SBF2: variants seen among roughly 807,000 people sequenced by gnomAD.
The protein encoded by SBF2 is myotubularin-related protein 13.
In SBF2, 112 loss-of-function variants were observed where a neutral mutation model predicts 225.2. The observed-to-expected ratio is 0.50, with a 90% confidence interval of 0.43 to 0.58. SBF2 has a LOEUF of 0.58. SBF2 is among the 20% of genes least tolerant of loss of function. SBF2 has a pLI of 0.00. For synonymous variants in SBF2, 763 were observed against 773.3 expected (o/e 0.99, Z 0.22); for missense variants, 1,996 against 2,206.2 (o/e 0.90, Z 1.91).
At chr11:10,297,556 T>C (rs1294033142), upstream of SBF2, among the ~76,000 whole-genome samples, 1 of 152,226 alleles carries the variant, frequency 6.6e-6, no homozygotes, top group Non-Finnish European at 1.5e-5. Flanking sequence ...AATTTTGTAG[T>C]GGTAAGGGGT....
Position 9,850,017 on chromosome 11 carries a change from T to A in SBF2, c.2806+6A>T. The stretch of plus-strand genomic sequence containing the variant: ...ACCCATGTTCTGATGGCATATCGAG[T>A]CATACCTAACTGATCATGGGGTGTT... On this transcript the variant is annotated splice_donor_region_variant and intron_variant, in intron 22 of 39. Transcript: ENST00000256190. 1.2e-6 allele frequency: 2 copies of A among 1,613,022 alleles called. No homozygotes were observed. Among genetic ancestry groups the A allele is most frequent in the Non-Finnish European group, 1.7e-6 (2 of 1,179,146 alleles).
chr11:10,043,132 C>G (rs1032991909), intron 2 of SBF2, 151 bp from the exon 3 acceptor site: 1 of 740,430 alleles, frequency 1.4e-6, no homozygotes, highest in African/African-American at 1.8e-5. Flanking sequence ...AGTTAATGTA[C>G]AGATTCATAA....
chr11:10,063,333 T>A (rs560680435), intron 2 of SBF2, among the ~76,000 whole-genome samples: 34 of 129,356 alleles, frequency 2.6e-4, no homozygotes, highest in Middle Eastern at 3.7e-3. Context: ...AAAAAATATA[T>A]ATATATATAT....
chr11:9,959,217 G>A, intron 16 of SBF2: 1 of 777,872 alleles, frequency 1.3e-6, no homozygotes. Context: ...GGGCAGGCAT[G>A]ACCTCAGCAT....
intron 1 of SBF2, among the ~76,000 whole-genome samples, chr11:10,231,574 T>C (rs1958847296): frequency 6.6e-6 from 1 of 152,208 alleles, no homozygotes; most frequent in Non-Finnish European, 1.5e-5. Flanking sequence ...GGAGGTCCAC[T>C]CCAGACCCTG....
At chr11:10,236,595 G>T (rs1306298448) in intron 1 of SBF2, among the ~76,000 whole-genome samples, 5 of 148,232 alleles carry the variant, frequency 3.4e-5, no homozygotes. Flanking sequence ...GAGTAGCTGG[G>T]ACTACAGGTG....
intron 2 of SBF2, among the ~76,000 whole-genome samples, chr11:10,119,923 A>G (rs1353922805): frequency 1.3e-5 from 2 of 152,180 alleles, no homozygotes; most frequent in African/African-American, 4.8e-5. Context: ...CTTAGAATCA[A>G]TATTTTAAAT....
At chr11:9,996,703 A>T (rs941772533) in intron 9 of SBF2, among the ~76,000 whole-genome samples, 1 of 152,124 alleles carries the variant, frequency 6.6e-6, no homozygotes, top group Non-Finnish European at 1.5e-5. Context: ...TCGCCTTCTT[A>T]AACCCAGTAT....
At chr11:9,933,601 T>C (rs1188429964) in intron 16 of SBF2, among the ~76,000 whole-genome samples, 1 of 152,208 alleles carries the variant, frequency 6.6e-6, no homozygotes, top group East Asian at 1.9e-4. Context: ...AAGATGTTTT[T>C]TGAAACTAAT....
Position 9,993,799 on chromosome 11 carries a change from T to C in SBF2, c.1053+122A>G, listed in dbSNP as rs145969395. The C allele has an allele frequency of 8.6e-4, 848 of 982,460 alleles. 5 individuals carry two copies. The African/African-American group carries it at 0.012, about 14-fold the overall frequency. 60.9% of individuals were successfully genotyped at this position (982,460 alleles called of 1,614,324 possible). ...CAGCGGCAAGTATCCTAATTTCTAA[T>C]TTGGGGCACTTTTTACTCTGCTGTC... On this transcript the variant is annotated intron_variant, in intron 10 of 39. Coordinates refer to ENST00000256190, the MANE Select transcript of SBF2 (RefSeq NM_030962.4).
intron 2 of SBF2, among the ~76,000 whole-genome samples, chr11:10,080,289 A>G (rs1447194788): frequency 2.0e-5 from 3 of 150,920 alleles, no homozygotes; most frequent in African/African-American, 7.3e-5. Flanking sequence ...CAAATTTTAT[A>G]TCCTGCTAGA....
At chr11:10,298,244 A>G (rs1964566058), upstream of SBF2, among the ~76,000 whole-genome samples, 1 of 152,144 alleles carries the variant, frequency 6.6e-6, no homozygotes, top group Non-Finnish European at 1.5e-5. Context: ...CACAAAAATT[A>G]GCTGGGCATG....
rs373138686 is a variant in SBF2 at position 9,992,663 on chromosome 11, T to A, written c.1168-120A>T. On this transcript the variant is annotated intron_variant, in intron 11 of 39. Transcript: ENST00000256190. ...AATCCCTTCATGTATAAATATATGC[T>A]GTCATAAAATATATTTCTCTCAAAG... is the stretch of plus-strand genomic sequence containing the variant. 6.5e-5 allele frequency: 58 copies of A among 892,036 alleles called. No homozygotes were observed. The East Asian group carries it at 1.2e-3, about 19-fold the overall frequency. 55.3% of individuals were successfully genotyped at this position (892,036 alleles called of 1,614,324 possible).
At chr11:10,223,559 G>C (rs1050060783) in intron 1 of SBF2, among the ~76,000 whole-genome samples, 2 of 151,340 alleles carry the variant, frequency 1.3e-5, no homozygotes, top group Non-Finnish European at 3.0e-5. Context: ...TATGTCATCT[G>C]TTTATAAATG....
At chr11:9,883,420 C>G (rs1342987247) in intron 17 of SBF2, among the ~76,000 whole-genome samples, 2 of 152,086 alleles carry the variant, frequency 1.3e-5, no homozygotes, top group Non-Finnish European at 2.9e-5. Flanking sequence ...CTCTGTCCCC[C>G]AAAACAACCA....
In SBF2 at chr11:10,183,582, C is replaced by T. The variant is rs372783231; in HGVS notation, c.141+10320G>A. ...TTAGACTATGATCCATTTCAAGTTA[C>T]TTTTTGTGTATGGTTTAAGGGTCAA... On this transcript the variant is annotated intron_variant, in intron 2 of 39. Transcript: ENST00000256190. Among the ~76,000 whole-genome samples the T allele has an allele frequency of 3.3e-5, 5 of 152,130 alleles. No homozygotes were observed. In the East Asian group the frequency reaches 7.7e-4, roughly 23 times the overall value.
At chr11:9,911,484 A>G (rs746561127) in intron 16 of SBF2, among the ~76,000 whole-genome samples, 3 of 152,212 alleles carry the variant, frequency 2.0e-5, no homozygotes, top group African/African-American at 4.8e-5. Context: ...GTGTTATTAC[A>G]AAAGAGTCAA....
At chr11:10,253,502 C>T (rs1054675309) in intron 1 of SBF2, among the ~76,000 whole-genome samples, 2 of 152,084 alleles carry the variant, frequency 1.3e-5, no homozygotes, top group East Asian at 3.8e-4. Context: ...CTGGATATAT[C>T]CCTGATTCTG....
intron 16 of SBF2, among the ~76,000 whole-genome samples, chr11:9,927,716 G>C (rs1864162607): frequency 1.3e-5 from 2 of 152,050 alleles, no homozygotes; most frequent in Non-Finnish European, 2.9e-5. Flanking sequence ...AAAAAAATCT[G>C]ACAAAATACC....
Sources: gnomAD v4.1 joint callset for allele counts (sites outside exome capture counted in the v4.1 genomes callset) on GRCh38, gnomAD v4.1.1 for gene constraint, MANE v1.5 for transcripts, NCBI Gene and HGNC (gene_info 2026-07-23, HGNC 2026-07-21) for gene names.